Variants in KSR2 observed in about 807,000 individuals in gnomAD.
KSR2 encodes the protein kinase suppressor of ras 2.
Under a neutral mutation model 107.8 loss-of-function variants are expected in KSR2, and 25 were observed. The ratio of observed to expected loss-of-function variants is 0.23; its 90% CI spans 0.17 to 0.32. The LOEUF (loss-of-function observed/expected upper bound fraction) is 0.32. KSR2 is among the 10% of genes least tolerant of loss of function. The pLI is 1.00. For synonymous variants in KSR2, 480 were observed against 507.0 expected, an observed-to-expected ratio of 0.95 and a Z score of 0.71; for missense variants, 887 against 1,268.9, an observed-to-expected ratio of 0.70 and a Z score of 4.57.
chr12:117,939,285 A>G (rs1895936123), intron 1 of KSR2, among the ~76,000 whole-genome samples: 1 of 152,228 alleles, frequency 6.6e-6, no homozygotes. Flanking sequence ...AAATGCAATA[A>G]TGGTTTGGGA....
Position 117,653,378 on chromosome 12 carries a change from G to A in KSR2, c.1171+14096C>T, listed in dbSNP as rs199611141. On this transcript the variant is annotated intron_variant, in intron 5 of 19. Coordinates refer to ENST00000339824, the MANE Select transcript of KSR2 (RefSeq NM_173598.6). Reference sequence around the variant, plus strand: ...GAGGCAATTTACCTTCAGCTGGCAAGGCCAGCAATATACCTTCACTGTCCT... The same window carrying A: ...GAGGCAATTTACCTTCAGCTGGCAAAGCCAGCAATATACCTTCACTGTCCT... Among the ~76,000 whole-genome samples the A allele has an allele frequency of 3.3e-5, 5 of 152,248 alleles. No individual in the cohort carries two copies. In the East Asian group the frequency reaches 9.6e-4, roughly 29 times the overall value.
intron 5 of KSR2, among the ~76,000 whole-genome samples, chr12:117,612,035 G>A (rs1366638677): frequency 6.6e-6 from 1 of 152,186 alleles, no homozygotes; most frequent in South Asian, 2.1e-4. Context: ...AGTTCTGGAA[G>A]TGGATGGTAG....
chr12:117,847,817 T>A (rs541880992), intron 3 of KSR2, among the ~76,000 whole-genome samples: 1 of 152,108 alleles, frequency 6.6e-6, no homozygotes, highest in African/African-American at 2.4e-5. Flanking sequence ...CACTTCTGAG[T>A]GTTCCCATCA....
At chr12:117,469,549 A>G (rs1871316350) in intron 19 of KSR2, 113 bp downstream of exon 19, 1 of 1,263,932 alleles carries the variant, frequency 7.9e-7, no homozygotes, top group Admixed American at 2.2e-5. Flanking sequence ...AAGGGTGGGC[A>G]CATGGATAGG....
chr12:117,746,135 G>A (rs12309470), intron 4 of KSR2, among the ~76,000 whole-genome samples: 35,297 of 151,902 alleles, frequency 0.23, 5,100 homozygotes, highest in African/African-American at 0.4. Context: ...ACAATCCTAA[G>A]CAAAAAGAAC....
At chr12:117,625,125 A>C (rs4767584) in intron 5 of KSR2, among the ~76,000 whole-genome samples, 1 of 152,108 alleles carries the variant, frequency 6.6e-6, no homozygotes, top group East Asian at 1.9e-4. Flanking sequence ...GGGTTTTCTA[A>C]TATACAATCA....
intron 3 of KSR2, among the ~76,000 whole-genome samples, chr12:117,848,841 G>GTGATGGTGA (rs56730615): frequency 0.3 from 41,647 of 140,842 alleles, 6,296 homozygotes; most frequent in Admixed American, 0.37. Context: ...GGTAGTGGTG[G>GTGATGGTGA]TGATGGTGAT....
At chr12:117,601,072 C>G (rs1880915459) in intron 5 of KSR2, among the ~76,000 whole-genome samples, 1 of 152,112 alleles carries the variant, frequency 6.6e-6, no homozygotes, top group Non-Finnish European at 1.5e-5. Context: ...CATCTGGAGT[C>G]TAGTTGCTGG....
intron 4 of KSR2, among the ~76,000 whole-genome samples, chr12:117,726,821 A>G (rs530232632): frequency 7.0e-4 from 107 of 152,334 alleles, no homozygotes; most frequent in Non-Finnish European, 1.4e-3. Context: ...AAGAGAAATG[A>G]GAATATATTT....
chr12:117,753,955 T>C lies in KSR2; in HGVS notation c.986+7056A>G, dbSNP rs1418658947. On this transcript the variant is annotated intron_variant, in intron 4 of 19. Coordinates refer to ENST00000339824, the MANE Select transcript of KSR2 (RefSeq NM_173598.6). The stretch of plus-strand genomic sequence containing the variant: ...CTGGGGAAAGTATAGAGCGTGTGTG[T>C]GTGTGTGTGTGTGTGTGTGTGTGTG... Among the ~76,000 whole-genome samples the C allele has an allele frequency of 1.4e-4, 10 of 71,662 alleles. No homozygotes were observed. In the South Asian group the frequency reaches 4.3e-3, roughly 31 times the overall value. 47.0% of individuals were successfully genotyped at this position (71,662 alleles called of 152,430 possible). A position where few individuals can be genotyped will look rare whatever the true frequency, so the allele number is the denominator to read the frequency against.
At chr12:117,617,907 C>A (rs1881972649) in intron 5 of KSR2, among the ~76,000 whole-genome samples, 1 of 152,014 alleles carries the variant, frequency 6.6e-6, no homozygotes, top group Admixed American at 6.6e-5. Context: ...TGGAAAATCC[C>A]AGAACACAAG....
intron 7 of KSR2, among the ~76,000 whole-genome samples, chr12:117,577,018 C>T (rs1357440643): frequency 2.6e-5 from 4 of 152,096 alleles, no homozygotes; most frequent in African/African-American, 7.2e-5. Flanking sequence ...AAAGGATGCT[C>T]AACCTTATCA....
chr12:117,885,796 T>C (rs972200377), intron 1 of KSR2, among the ~76,000 whole-genome samples: 1 of 151,918 alleles, frequency 6.6e-6, no homozygotes, highest in African/African-American at 2.4e-5. Context: ...GACACACATA[T>C]ACCTATGTAA....
chr12:117,642,292 G>A (rs569775531), intron 5 of KSR2, among the ~76,000 whole-genome samples: 5 of 152,248 alleles, frequency 3.3e-5, no homozygotes, highest in Non-Finnish European at 5.9e-5. Flanking sequence ...CCGTTTCCTC[G>A]TTGCCCATCA....
At chr12:117,641,088 GTTTT>G (rs1254300234) in intron 5 of KSR2, among the ~76,000 whole-genome samples, 1 of 151,952 alleles carries the variant, frequency 6.6e-6, no homozygotes, top group Non-Finnish European at 1.5e-5. Context: ...AAGCTGTAAG[GTTTT>G]TTTGTTTTAT....
At chr12:117,560,042 T>C (rs1878004647) in intron 7 of KSR2, among the ~76,000 whole-genome samples, 1 of 152,200 alleles carries the variant, frequency 6.6e-6, no homozygotes, top group Non-Finnish European at 1.5e-5. Flanking sequence ...GATAGTTCTC[T>C]TTAAAATAAT....
intron 17 of KSR2, 90 bp from the exon 18 acceptor site, chr12:117,471,410 T>C (rs530821763): frequency 7.1e-7 from 1 of 1,415,062 alleles, no homozygotes; most frequent in East Asian, 2.4e-5. Context: ...ACCCAGCCAG[T>C]CTCCTGGCAC....
chr12:117,704,485 T>G lies in KSR2; in HGVS notation c.987-36827A>C, dbSNP rs139073746. Among the ~76,000 whole-genome samples, 414 of 152,296 alleles carry G rather than the reference T, an allele frequency of 2.7e-3. 2 individuals are homozygous for G. Among genetic ancestry groups the G allele is most frequent in the African/African-American group, 9.6e-3 (397 of 41,566 alleles). On this transcript the variant is annotated intron_variant, in intron 4 of 19. Transcript: ENST00000339824. ...AAACCCTGGTGAAACAGAGCCTGTGTGACCCATAAAGCCTAAAATATTTAC... is the reference window on the plus strand; with the variant it reads ...AAACCCTGGTGAAACAGAGCCTGTGGGACCCATAAAGCCTAAAATATTTAC...
intron 1 of KSR2, among the ~76,000 whole-genome samples, chr12:117,903,859 C>T (rs1008971157): frequency 5.9e-5 from 9 of 152,064 alleles, no homozygotes; most frequent in South Asian, 2.1e-4. Flanking sequence ...ATTAGTTGGG[C>T]GTGATGGAGC....
Sources: allele counts gnomAD v4.1 joint callset (sites outside exome capture counted in the v4.1 genomes callset), GRCh38; gene constraint gnomAD v4.1.1; transcripts MANE v1.5; gene names NCBI Gene and HGNC (gene_info 2026-07-23, HGNC 2026-07-21).